Variants in DNAAF19 observed in about 807,000 individuals in gnomAD.
The protein encoded by DNAAF19 is coiled-coil domain containing 103.
chr17:44,901,458 C>T, the DNAAF19 span: 2 of 1,586,556 alleles, frequency 1.3e-6, no homozygotes, highest in Admixed American at 1.7e-5. Flanking sequence ...CAAAGTCTAG[C>T]TGCCTCACAC....
chr17:44,902,353 T>C, the DNAAF19 span: 6 of 1,614,138 alleles, frequency 3.7e-6, no homozygotes, highest in Non-Finnish European at 5.1e-6. Context: ...CTTTCCTTCC[T>C]TTGTGGTCCA....
the DNAAF19 span, chr17:44,905,179 G>A: frequency 2.4e-6 from 2 of 833,408 alleles, no homozygotes; most frequent in African/African-American, 1.7e-5. Flanking sequence ...AGGAACATGT[G>A]GACAAATCTG....
chr17:44,902,272 C>T, the DNAAF19 span: 1 of 1,511,822 alleles, frequency 6.6e-7, no homozygotes. Context: ...GAGATGAAGA[C>T]AGTAAGATGA....
the DNAAF19 span, among the ~76,000 whole-genome samples, chr17:44,901,951 G>A: frequency 6.6e-6 from 1 of 152,136 alleles, no homozygotes; most frequent in Non-Finnish European, 1.5e-5. Context: ...CTCTGCCTCT[G>A]GGTTGTATGG....
the DNAAF19 span, chr17:44,901,080 C>A: frequency 1.2e-6 from 2 of 1,604,220 alleles, no homozygotes; most frequent in Non-Finnish European, 1.7e-6. Flanking sequence ...GAAGTACAAA[C>A]GGGAGAATGC....
At chr17:44,904,403 C>G in the DNAAF19 span, 3 of 1,542,408 alleles carry the variant, frequency 1.9e-6, no homozygotes, top group Non-Finnish European at 2.6e-6. Flanking sequence ...GCGCATCGGC[C>G]TCTGCTACCT....
chr17:44,903,070 A>G, the DNAAF19 span: 1 of 1,367,760 alleles, frequency 7.3e-7, no homozygotes, highest in Non-Finnish European at 9.4e-7. Context: ...TCCCACCCTT[A>G]GAGTCTGCCA....
At chr17:44,902,420 G>A in the DNAAF19 span, 20 of 1,614,196 alleles carry the variant, frequency 1.2e-5, no homozygotes, top group South Asian at 1.6e-4. Context: ...GATTGGCGAC[G>A]ACACTTGCCA....
At chr17:44,902,832 C>G in the DNAAF19 span, 1 of 1,523,006 alleles carries the variant, frequency 6.6e-7, no homozygotes, top group East Asian at 2.5e-5. Context: ...GCAAGCTACC[C>G]TCAGAGGTCC....
At chr17:44,903,197 C>G in the DNAAF19 span, 1 of 1,268,328 alleles carries the variant, frequency 7.9e-7, no homozygotes, top group Non-Finnish European at 9.9e-7. Context: ...TAAACAAACA[C>G]TGATCTCCAC....
the DNAAF19 span, chr17:44,903,748 C>T: frequency 6.8e-7 from 1 of 1,465,078 alleles, no homozygotes; most frequent in Non-Finnish European, 9.0e-7. Flanking sequence ...GAGGCTTCCG[C>T]TTAGCAGAGC....
the DNAAF19 span, chr17:44,904,760 C>T: frequency 3.3e-5 from 51 of 1,550,576 alleles, no homozygotes; most frequent in Non-Finnish European, 4.4e-5. Flanking sequence ...CTACCGCACA[C>T]AGTACCTGAA....
At chr17:44,901,711 T>C in the DNAAF19 span, 2 of 1,571,750 alleles carry the variant, frequency 1.3e-6, no homozygotes, top group Non-Finnish European at 1.7e-6. Flanking sequence ...GCTTCAATCC[T>C]GTTTTTTCAT....
the DNAAF19 span, chr17:44,902,804 A>C: frequency 6.4e-7 from 1 of 1,553,136 alleles, no homozygotes; most frequent in Non-Finnish European, 8.7e-7. Context: ...CTGGAGCTGT[A>C]CCAGGTTGAC....
chr17:44,900,593 C>T, the DNAAF19 span, among the ~76,000 whole-genome samples: 4 of 152,110 alleles, frequency 2.6e-5, no homozygotes, highest in African/African-American at 9.7e-5. Context: ...AGAGTTCTGC[C>T]TTTGTGTGAG....
the DNAAF19 span, chr17:44,903,397 G>A: frequency 8.0e-7 from 1 of 1,251,916 alleles, no homozygotes; most frequent in Non-Finnish European, 1.0e-6. Context: ...AGATATGCAG[G>A]AGGGTGGGTT....
the DNAAF19 span, chr17:44,902,715 G>A: frequency 8.9e-4 from 1,434 of 1,613,572 alleles, 9 homozygotes; most frequent in Non-Finnish European, 1.5e-4. Context: ...CCGTGAAGGA[G>A]GGGCTCAGCT....
At chr17:44,901,015 T>A in the DNAAF19 span, 1 of 1,604,544 alleles carries the variant, frequency 6.2e-7, no homozygotes, top group South Asian at 1.1e-5. Flanking sequence ...AGGAATGACA[T>A]CATCAACTTC....
At chr17:44,900,058 T>A in the DNAAF19 span, among the ~76,000 whole-genome samples, 1 of 152,058 alleles carries the variant, frequency 6.6e-6, no homozygotes, top group Non-Finnish European at 1.5e-5. Flanking sequence ...CTCAACTCAC[T>A]AGGAGTTTGC....
Sources: gnomAD v4.1 joint callset for allele counts (sites outside exome capture counted in the v4.1 genomes callset) on GRCh38, gnomAD v4.1.1 for gene constraint, MANE v1.5 for transcripts, NCBI Gene and HGNC (gene_info 2026-07-23, HGNC 2026-07-21) for gene names.